Variants in TXNDC8 observed in about 807,000 individuals in gnomAD.
TXNDC8 encodes thioredoxin domain containing 8, also known as thioredoxin domain-containing protein 8.
A neutral mutation model predicts 12.9 loss-of-function variants in TXNDC8; 15 were observed. The observed-to-expected ratio is 1.16, with a 90% CI of 0.78 to 1.79. The LOEUF is 1.79. Among genes scored for constraint, TXNDC8 ranks in the 40% most tolerant of loss-of-function variants. The pLI is 0.00. For missense variants in TXNDC8, 128 were observed against 113.2 expected, an observed-to-expected ratio of 1.13 and a Z score of -0.59; for synonymous variants, 40 against 35.4, an observed-to-expected ratio of 1.13 and a Z score of -0.46.
intron 2 of TXNDC8, among the ~76,000 whole-genome samples, chr9:110,332,202 G>A (rs1343012331): frequency 6.6e-6 from 1 of 152,134 alleles, no homozygotes; most frequent in Non-Finnish European, 1.5e-5. Context: ...AAACTAAAAT[G>A]TTCCCTCAGA....
intron 1 of TXNDC8, among the ~76,000 whole-genome samples, chr9:110,337,296 A>T (rs189212289): frequency 3.3e-5 from 5 of 152,332 alleles, no homozygotes; most frequent in African/African-American, 1.2e-4. Context: ...TTTATAAATC[A>T]AGAATTATCT....
chr9:110,312,506 G>T (rs1308921219), intron 3 of TXNDC8, among the ~76,000 whole-genome samples: 1 of 152,172 alleles, frequency 6.6e-6, no homozygotes, highest in Non-Finnish European at 1.5e-5. Flanking sequence ...TTTCTGACAG[G>T]CCCAGGAGCC....
At chr9:110,325,963 T>C (rs1032872430) in intron 3 of TXNDC8, among the ~76,000 whole-genome samples, 2 of 152,246 alleles carry the variant, frequency 1.3e-5, no homozygotes, top group African/African-American at 4.8e-5. Flanking sequence ...TGGGGAGATT[T>C]ATTAATAAGT....
intron 3 of TXNDC8, chr9:110,323,489 A>AAGATAAAT (rs1564103040): frequency 3.6e-6 from 1 of 278,784 alleles, no homozygotes; most frequent in African/African-American, 2.3e-5. Flanking sequence ...AGAGGACAGA[A>AAGATAAAT]AGATAAATAG....
chr9:110,331,208 A>T (rs1039130329), intron 2 of TXNDC8, among the ~76,000 whole-genome samples: 1 of 152,202 alleles, frequency 6.6e-6, no homozygotes, highest in African/African-American at 2.4e-5. Flanking sequence ...AAGTGAGGTC[A>T]TGGGTACTGG....
rs1300965898 is a variant in TXNDC8 at position 110,323,689 on chromosome 9, G to C, written c.195+2486C>G. The C allele has an allele frequency of 3.4e-5, 22 of 641,108 alleles. 1 individual carries two copies. The highest frequency in any genetic ancestry group is 1.4e-4 in the South Asian group (5 of 35,970). 39.7% of individuals were successfully genotyped at this position (641,108 alleles called of 1,614,324 possible). ...TTTACATAGCTGAAGAATCTATGGGGATAGTGTAGGCTTCAGGCATGGATA... is the reference window on the plus strand; with the variant it reads ...TTTACATAGCTGAAGAATCTATGGGCATAGTGTAGGCTTCAGGCATGGATA... On this transcript the variant is annotated intron_variant, in intron 3 of 4. Coordinates refer to ENST00000423740, the MANE Select transcript of TXNDC8 (RefSeq NM_001286946.2).
intron 3 of TXNDC8, among the ~76,000 whole-genome samples, chr9:110,325,297 A>G (rs1202739463): frequency 6.6e-6 from 1 of 152,142 alleles, no homozygotes; most frequent in East Asian, 1.9e-4. Flanking sequence ...CAACCCTATG[A>G]GGGGAAAATT....
At chr9:110,308,982 C>G (rs373368844) in intron 3 of TXNDC8, among the ~76,000 whole-genome samples, 1 of 152,108 alleles carries the variant, frequency 6.6e-6, no homozygotes, top group Non-Finnish European at 1.5e-5. Context: ...TGTGTAATGG[C>G]GAATGAGAAC....
intron 3 of TXNDC8, among the ~76,000 whole-genome samples, chr9:110,315,383 C>A (rs1838844120): frequency 6.6e-6 from 1 of 152,162 alleles, no homozygotes; most frequent in Non-Finnish European, 1.5e-5. Context: ...CAAGTGTGAG[C>A]CACTGCACCC....
chr9:110,322,053 TAC>T, intron 3 of TXNDC8, among the ~76,000 whole-genome samples: 1 of 152,236 alleles, frequency 6.6e-6, no homozygotes, highest in East Asian at 1.9e-4. Context: ...AAGTCAGTAT[TAC>T]AAATTTTTCT....
intron 3 of TXNDC8, chr9:110,323,170 A>G: frequency 1.0e-6 from 1 of 985,438 alleles, no homozygotes; most frequent in Non-Finnish European, 1.2e-6. Context: ...AGGAGGGGGC[A>G]TTGCAATTGT....
At chr9:110,314,557 G>A (rs1056458031) in intron 3 of TXNDC8, among the ~76,000 whole-genome samples, 2 of 150,584 alleles carry the variant, frequency 1.3e-5, no homozygotes, top group African/African-American at 2.4e-5. Context: ...CTCAGCCTCC[G>A]GAGTAGCTGG....
intron 3 of TXNDC8, among the ~76,000 whole-genome samples, chr9:110,309,938 A>G (rs1838602046): frequency 1.4e-5 from 2 of 143,214 alleles, no homozygotes; most frequent in Non-Finnish European, 3.2e-5. Flanking sequence ...TGGGAAACCA[A>G]TAATCTAAGT....
At chr9:110,311,409 A>G (rs2118734394) in intron 3 of TXNDC8, among the ~76,000 whole-genome samples, 1 of 150,258 alleles carries the variant, frequency 6.7e-6, no homozygotes, top group East Asian at 2.0e-4. Flanking sequence ...CCTTTTTAAA[A>G]AGGTGAACAA....
intron 3 of TXNDC8, among the ~76,000 whole-genome samples, chr9:110,313,403 A>G (rs149850258): frequency 0.013 from 1,969 of 152,248 alleles, 22 homozygotes; most frequent in Middle Eastern, 0.02. Context: ...TGTAGACTTC[A>G]GAGTAATATG....
At chr9:110,332,608 A>G (rs766788405) in intron 2 of TXNDC8, among the ~76,000 whole-genome samples, 9 of 152,350 alleles carry the variant, frequency 5.9e-5, no homozygotes, top group Non-Finnish European at 1.3e-4. Flanking sequence ...ACTTTACAAA[A>G]GTGACCATAA....
At chr9:110,315,956 G>A (rs1310698602) in intron 3 of TXNDC8, among the ~76,000 whole-genome samples, 7 of 151,838 alleles carry the variant, frequency 4.6e-5, no homozygotes, top group Admixed American at 4.6e-4. Context: ...GGAGTGCGGT[G>A]GTATGATCTT....
intron 2 of TXNDC8, among the ~76,000 whole-genome samples, chr9:110,327,417 G>T (rs1225877631): frequency 6.6e-6 from 1 of 151,620 alleles, no homozygotes; most frequent in East Asian, 1.9e-4. Context: ...CTGCCTCCCA[G>T]GTTCAAGCGA....
intron 2 of TXNDC8, 143 bp downstream of exon 3, chr9:110,329,089 G>C (rs1345468858): frequency 7.3e-6 from 5 of 689,574 alleles, no homozygotes; most frequent in Non-Finnish European, 1.2e-5. Flanking sequence ...GCATAATGAG[G>C]AAGTTTACTG....
Sources: allele counts gnomAD v4.1 joint callset (sites outside exome capture counted in the v4.1 genomes callset), GRCh38; gene constraint gnomAD v4.1.1; transcripts MANE v1.5; gene names NCBI Gene and HGNC (gene_info 2026-07-23, HGNC 2026-07-21).